ZMIZ1: variants seen among roughly 807,000 people sequenced by gnomAD.
ZMIZ1 encodes the protein zinc finger MIZ domain-containing protein 1.
A neutral mutation model predicts 113.9 loss-of-function variants in ZMIZ1; 17 were observed. That is an observed-to-expected ratio of 0.15 (90% CI 0.10 to 0.22). ZMIZ1 has a LOEUF of 0.22. Ranked by LOEUF, ZMIZ1 falls within the 10% of genes least tolerant of loss-of-function variation. ZMIZ1 has a pLI of 1.00. For synonymous variants in ZMIZ1, 607 were observed against 603.1 expected (o/e 1.01, Z -0.09); for missense variants, 1,059 against 1,477.8 (o/e 0.72, Z 4.65).
At chr10:79,243,690 C>A in intron 7 of ZMIZ1, 2 of 307,408 alleles carry the variant, frequency 6.5e-6, no homozygotes, top group South Asian at 2.2e-5. Flanking sequence ...GGCCGGGCCC[C>A]AAGCCCCCGA....
intron 4 of ZMIZ1, among the ~76,000 whole-genome samples, chr10:79,197,166 G>C (rs1490176194): frequency 6.6e-6 from 1 of 152,256 alleles, no homozygotes; most frequent in East Asian, 1.9e-4. Context: ...CCAGCTAGGA[G>C]CTGAGCCAAC....
intron 8 of ZMIZ1, among the ~76,000 whole-genome samples, chr10:79,277,992 G>A (rs755776802): frequency 1.3e-5 from 2 of 152,278 alleles, no homozygotes; most frequent in Non-Finnish European, 2.9e-5. Context: ...GTGTGTCTCC[G>A]CTAATGATCA....
chr10:79,167,368 A>G (rs866706635), intron 4 of ZMIZ1, among the ~76,000 whole-genome samples: 3 of 152,170 alleles, frequency 2.0e-5, no homozygotes, highest in Non-Finnish European at 2.9e-5. Context: ...TGCACGGCGC[A>G]TGCTTGGAGA....
intron 7 of ZMIZ1, among the ~76,000 whole-genome samples, chr10:79,217,618 A>C (rs936260552): frequency 6.6e-6 from 1 of 152,256 alleles, no homozygotes; most frequent in Non-Finnish European, 1.5e-5. Flanking sequence ...CACAGCCTTC[A>C]TGAAAACGTT....
At chr10:79,104,950 G>GGGGGT (rs1190362797) in intron 1 of ZMIZ1, among the ~76,000 whole-genome samples, 1 of 140,092 alleles carries the variant, frequency 7.1e-6, no homozygotes, top group African/African-American at 2.7e-5. Flanking sequence ...GTTGTTGTGG[G>GGGGGT]GTGTGTGTGT....
chr10:79,304,285 C>T lies in ZMIZ1; in HGVS notation c.2286+110C>T, dbSNP rs1031885809. ...CCTGTCCTAACACTGTCCTGAAGGA[C>T]GTCATGGAGATCAGCAGCTGGCGTC... is the stretch of plus-strand genomic sequence containing the variant. On this transcript the variant is annotated intron_variant, in intron 19 of 24. Transcript: ENST00000334512. 9 of 1,367,494 alleles carry T rather than the reference C, an allele frequency of 6.6e-6. No individual in the cohort carries two copies. The East Asian group carries it at 9.8e-5, about 15-fold the overall frequency. 84.7% of individuals were successfully genotyped at this position (1,367,494 alleles called of 1,614,324 possible). A position where few individuals can be genotyped will look rare whatever the true frequency, so the allele number is the denominator to read the frequency against.
chr10:79,136,502 A>C (rs1292298599), intron 2 of ZMIZ1, among the ~76,000 whole-genome samples: 1 of 152,234 alleles, frequency 6.6e-6, no homozygotes, highest in Non-Finnish European at 1.5e-5. Context: ...GCCTACTCAG[A>C]GTCAGCCCTA....
chr10:79,179,904 G>A (rs758300982), intron 4 of ZMIZ1, among the ~76,000 whole-genome samples: 5 of 152,248 alleles, frequency 3.3e-5, no homozygotes, highest in East Asian at 3.9e-4. Context: ...AGGGACAACC[G>A]CCACGCATGC....
At chr10:79,131,752 C>T (rs533093815) in intron 2 of ZMIZ1, among the ~76,000 whole-genome samples, 1 of 152,330 alleles carries the variant, frequency 6.6e-6, no homozygotes, top group East Asian at 1.9e-4. Context: ...GGGAGACCCT[C>T]TGTGCTGGCC....
At chr10:79,125,860 C>T (rs775624926) in intron 2 of ZMIZ1, among the ~76,000 whole-genome samples, 4 of 152,198 alleles carry the variant, frequency 2.6e-5, no homozygotes, top group Non-Finnish European at 4.4e-5. Context: ...GCCAACATGG[C>T]GCTTCAGGCT....
chr10:79,240,047 C>T (rs949871318), intron 7 of ZMIZ1, among the ~76,000 whole-genome samples: 35 of 152,340 alleles, frequency 2.3e-4, no homozygotes, highest in African/African-American at 7.7e-4. Context: ...GGCGGCTCCT[C>T]CTCGCCAGGG....
At chr10:79,107,334 C>T (rs780511878) in intron 1 of ZMIZ1, among the ~76,000 whole-genome samples, 8 of 152,224 alleles carry the variant, frequency 5.3e-5, no homozygotes, top group Non-Finnish European at 8.8e-5. Context: ...GGCCGTGTGA[C>T]TTTTGGTGAG....
rs1431151276 is a variant in ZMIZ1 at position 79,112,144 on chromosome 10, A to ACGTGCTGGCAGTGGGG, written c.-336-6770_-336-6755dup. Among the ~76,000 whole-genome samples, 10 of 152,300 alleles carry ACGTGCTGGCAGTGGGG rather than the reference A, an allele frequency of 6.6e-5. No individual in the cohort carries two copies. In the South Asian group the frequency reaches 1.9e-3, roughly 28 times the overall value. ...CAGGACTTGAAGATTTGGCAGTGGG[A>ACGTGCTGGCAGTGGGG]CGTGCTGGCAGTGGGGAGTCAGGGC... On this transcript the variant is annotated intron_variant, in intron 1 of 24. Coordinates refer to ENST00000334512, the MANE Select transcript of ZMIZ1 (RefSeq NM_020338.4).
chr10:79,127,221 GCC>G (rs1405220316), intron 2 of ZMIZ1, among the ~76,000 whole-genome samples: 1 of 152,194 alleles, frequency 6.6e-6, no homozygotes, highest in East Asian at 1.9e-4. Context: ...CGCTCTGGGT[GCC>G]TGGTGCCCTC....
chr10:79,173,682 G>A (rs926498363), intron 4 of ZMIZ1, among the ~76,000 whole-genome samples: 1 of 152,184 alleles, frequency 6.6e-6, no homozygotes, highest in Non-Finnish European at 1.5e-5. Flanking sequence ...GTTATGTGTT[G>A]GGGGAATCTT....
intron 1 of ZMIZ1, among the ~76,000 whole-genome samples, chr10:79,104,950 G>GGGGTGTGTGTGTGTGT (rs1190362797): frequency 2.6e-4 from 36 of 140,188 alleles, no homozygotes; most frequent in African/African-American, 9.0e-4. Flanking sequence ...GTTGTTGTGG[G>GGGGTGTGTGTGTGTGT]GTGTGTGTGT....
intron 2 of ZMIZ1, among the ~76,000 whole-genome samples, chr10:79,128,922 G>T (rs892739229): frequency 6.6e-6 from 1 of 152,146 alleles, no homozygotes; most frequent in African/African-American, 2.4e-5. Flanking sequence ...TCTGAAAATG[G>T]GGATGATAAT....
At chr10:79,276,903 C>T (rs1047692507) in intron 7 of ZMIZ1, among the ~76,000 whole-genome samples, 2 of 152,174 alleles carry the variant, frequency 1.3e-5, no homozygotes, top group South Asian at 2.1e-4. Context: ...GACTCTCCCC[C>T]TCTTTGCCTC....
chr10:79,301,453 G>A (rs1854295699), intron 17 of ZMIZ1, among the ~76,000 whole-genome samples: 1 of 152,048 alleles, frequency 6.6e-6, no homozygotes, highest in Non-Finnish European at 1.5e-5. Flanking sequence ...CCTAGGACCA[G>A]CTCTCAGCCA....
Sources: gnomAD v4.1 joint callset for allele counts (sites outside exome capture counted in the v4.1 genomes callset) on GRCh38, gnomAD v4.1.1 for gene constraint, MANE v1.5 for transcripts, NCBI Gene and HGNC (gene_info 2026-07-23, HGNC 2026-07-21) for gene names.